The following MAP3K9 variants were observed in gnomAD, a reference collection of about 807,000 sequenced individuals.
MAP3K9 encodes mitogen-activated protein kinase kinase kinase 9.
In MAP3K9, 46 loss-of-function variants were observed where a neutral mutation model predicts 95.8. The ratio of observed to expected loss-of-function variants is 0.48; its 90% CI spans 0.38 to 0.61. MAP3K9 has a LOEUF of 0.61. MAP3K9 is among the 20% of genes least tolerant of loss of function. MAP3K9 has a pLI of 0.00. For missense variants in MAP3K9, 1,296 were observed against 1,474.3 expected, an observed-to-expected ratio of 0.88 and a Z score of 1.98; for synonymous variants, 533 against 593.8, an observed-to-expected ratio of 0.90 and a Z score of 1.49.
At chr14:70,808,712 G>T in intron 1 of MAP3K9, 54 bp downstream of exon 1, 3 of 325,922 alleles carry the variant, frequency 9.2e-6, no homozygotes, top group Non-Finnish European at 1.3e-5. Flanking sequence ...TTCCCCGACC[G>T]CCCCCCAGGC....
Position 70,809,494 on chromosome 14 carries a change from G to A in MAP3K9, c.-323C>T. On this transcript the variant is annotated 5_prime_UTR_variant, in exon 1 of 12. Transcript: ENST00000554752. ...AGCCGGTGCCCGCCGCTGCCAGCCGGCCGCCGCTCTCCTCTCCGCGCCGTG... is the reference window on the plus strand; with the variant it reads ...AGCCGGTGCCCGCCGCTGCCAGCCGACCGCCGCTCTCCTCTCCGCGCCGTG... 5.6e-6 allele frequency: 1 copy of A among 177,488 alleles called. No individual in the cohort carries two copies. Among genetic ancestry groups the A allele is most frequent in the Non-Finnish European group, 1.2e-5 (1 of 85,158 alleles). 11.0% of individuals were successfully genotyped at this position (177,488 alleles called of 1,614,324 possible).
In MAP3K9 at chr14:70,732,881, C is replaced by T; in HGVS notation, c.2488G>A (p.Ala830Thr). The T allele has an allele frequency of 6.2e-7, 1 of 1,613,820 alleles. No individual in the cohort carries two copies. Among genetic ancestry groups the T allele is most frequent in the Middle Eastern group, 1.6e-4 (1 of 6,062 alleles). Residue 830 changes from alanine (A) to threonine (T), a missense_variant, in exon 11 of 12, where the codon GCC becomes ACC. This residue lies in a region of MAP3K9 where 433 missense variants were observed against 441.4 expected (regional missense o/e 0.98). Coordinates refer to ENST00000554752, the MANE Select transcript of MAP3K9 (RefSeq NM_001284230.2). ...GAGAGGGAGAGCAGCGTCAGGGAGG[C>T]AGAGGGGTCTCCTAGCAACAGCATG... ...EPMLLLGDPSASLTLLSLSSI... is the reference protein window; with the variant it reads ...EPMLLLGDPSTSLTLLSLSSI...
At chr14:70,750,887 CA>C (rs1457147870) in intron 3 of MAP3K9, among the ~76,000 whole-genome samples, 2 of 152,142 alleles carry the variant, frequency 1.3e-5, no homozygotes, top group Non-Finnish European at 2.9e-5. Flanking sequence ...GTCACAGATA[CA>C]TTTTTTCCCC....
At chr14:70,781,734 C>G (rs920988236) in intron 2 of MAP3K9, among the ~76,000 whole-genome samples, 2 of 152,204 alleles carry the variant, frequency 1.3e-5, no homozygotes, top group Non-Finnish European at 2.9e-5. Flanking sequence ...CCCCATTTTA[C>G]AGAGGAGGAA....
At position 70,729,971 on chromosome 14, in the gene MAP3K9, G is replaced by A. The variant is rs2053870878; in HGVS notation, c.*409C>T. 1.1e-5 allele frequency: 2 copies of A among 184,326 alleles called. No homozygotes were observed. The highest frequency in any genetic ancestry group is 2.4e-5 in the African/African-American group (1 of 42,482). 11.4% of individuals were successfully genotyped at this position (184,326 alleles called of 1,614,324 possible). On this transcript the variant is annotated 3_prime_UTR_variant, in exon 12 of 12. Coordinates refer to ENST00000554752, the MANE Select transcript of MAP3K9 (RefSeq NM_001284230.2). The stretch of plus-strand genomic sequence containing the variant: ...CAATCACAGAATATCCAACACTGGT[G>A]TTTGGGAAGCTGAACTCGGGGCTGA...
At chr14:70,745,991 T>C (rs929028772) in intron 5 of MAP3K9, among the ~76,000 whole-genome samples, 9 of 152,210 alleles carry the variant, frequency 5.9e-5, no homozygotes, top group African/African-American at 1.9e-4. Context: ...CTCAAATTAA[T>C]TGTTGTGCGC....
At chr14:70,784,639 A>G (rs549081575) in intron 2 of MAP3K9, among the ~76,000 whole-genome samples, 2 of 152,238 alleles carry the variant, frequency 1.3e-5, no homozygotes, top group East Asian at 3.9e-4. Context: ...GCTACTCAGG[A>G]GGCTGATGCA....
At chr14:70,758,081 A>G in intron 3 of MAP3K9, among the ~76,000 whole-genome samples, 1 of 152,218 alleles carries the variant, frequency 6.6e-6, no homozygotes, top group Non-Finnish European at 1.5e-5. Context: ...CACTGTTTCA[A>G]AGAACAGCCT....
In MAP3K9 at chr14:70,722,970, T is replaced by A. The variant is rs768423752; in HGVS notation, c.*7410A>T. The A allele has an allele frequency of 6.6e-6, 1 of 152,156 alleles. No individual in the cohort carries two copies. Among genetic ancestry groups the A allele is most frequent in the Admixed American group, 6.5e-5 (1 of 15,276 alleles). 9.4% of individuals were successfully genotyped at this position (152,156 alleles called of 1,614,324 possible). ...AAAGAAAGCTTTTCTGTGAACTAAG[T>A]AAAACCCATCTCCAATTCCTTTCCT... On this transcript the variant is annotated 3_prime_UTR_variant, in exon 12 of 12. Coordinates refer to ENST00000554752, the MANE Select transcript of MAP3K9 (RefSeq NM_001284230.2).
chr14:70,740,006 T>C (rs2054046843), intron 7 of MAP3K9, 36 bp downstream of exon 7: 10 of 1,614,166 alleles, frequency 6.2e-6, no homozygotes, highest in African/African-American at 2.7e-5. Flanking sequence ...TGCCCCTGTG[T>C]GTTCTGGCCC....
chr14:70,779,848 G>T (rs2054650526), intron 2 of MAP3K9, among the ~76,000 whole-genome samples: 1 of 152,212 alleles, frequency 6.6e-6, no homozygotes, highest in Non-Finnish European at 1.5e-5. Flanking sequence ...CAAGCCCCCA[G>T]GTATCAGTGC....
chr14:70,744,702 C>T (rs2054121514), intron 5 of MAP3K9, among the ~76,000 whole-genome samples: 3 of 152,182 alleles, frequency 2.0e-5, no homozygotes, highest in African/African-American at 7.2e-5. Flanking sequence ...TATCACACTC[C>T]CCTGAAACAA....
chr14:70,761,189 A>G lies in MAP3K9; in HGVS notation c.821-7T>C. On this transcript the variant is annotated splice_polypyrimidine_tract_variant and splice_region_variant and intron_variant, in intron 2 of 11. Transcript: ENST00000554752. ...ACCTTCTGGAGGATCAATACTAGGC[A>G]AGGAAAAGAATACAGAAGAAACCAG... 6.2e-7 allele frequency: 1 copy of G among 1,605,896 alleles called. No individual in the cohort carries two copies. The highest frequency in any genetic ancestry group is 8.5e-7 in the Non-Finnish European group (1 of 1,175,428).
intron 5 of MAP3K9, among the ~76,000 whole-genome samples, 181 bp from the exon 6 acceptor site, chr14:70,742,772 G>C (rs2054091326): frequency 6.6e-6 from 1 of 151,906 alleles, no homozygotes. Context: ...TGAATGGTGG[G>C]GAAAGGAAGG....
At chr14:70,757,457 A>G (rs1291433442) in intron 3 of MAP3K9, among the ~76,000 whole-genome samples, 1 of 30,842 alleles carries the variant, frequency 3.2e-5, no homozygotes, top group South Asian at 1.4e-3. Flanking sequence ...ACCCTGTCCG[A>G]AAAAAAAAAA....
At chr14:70,760,812 T>C (rs559196541) in intron 3 of MAP3K9, among the ~76,000 whole-genome samples, 190 bp downstream of exon 3, 65 of 152,252 alleles carry the variant, frequency 4.3e-4, no homozygotes, top group African/African-American at 6.3e-4. Flanking sequence ...AGGGATTTTT[T>C]TGGTAGATGA....
intron 2 of MAP3K9, among the ~76,000 whole-genome samples, chr14:70,766,115 C>T (rs1194189522): frequency 6.6e-5 from 10 of 151,936 alleles, no homozygotes; most frequent in Non-Finnish European, 1.5e-4. Context: ...AATGGTGGTG[C>T]CCCTAATTGG....
chr14:70,783,337 G>T, intron 2 of MAP3K9: 1 of 984,972 alleles, frequency 1.0e-6, no homozygotes, highest in Non-Finnish European at 1.2e-6. Flanking sequence ...GCATCCAAAG[G>T]TTTCATATGA....
chr14:70,789,240 A>C (rs928729375), intron 2 of MAP3K9, among the ~76,000 whole-genome samples: 1 of 152,114 alleles, frequency 6.6e-6, no homozygotes, highest in Admixed American at 6.5e-5. Context: ...GGTGGGGCTC[A>C]ATCCCTTTCA....
Sources: allele counts gnomAD v4.1 joint callset (sites outside exome capture counted in the v4.1 genomes callset), GRCh38; gene constraint gnomAD v4.1.1; regional missense constraint gnomAD v4.1.1; transcripts MANE v1.5; gene names NCBI Gene and HGNC (gene_info 2026-07-23, HGNC 2026-07-21).